SUPT3H: variants seen among roughly 807,000 people sequenced by gnomAD.
SUPT3H encodes SPT3 homolog, SAGA and STAGA complex component.
Under a neutral mutation model 44.3 loss-of-function variants are expected in SUPT3H, and 44 were observed. The ratio of observed to expected loss-of-function variants is 0.99; its 90% CI spans 0.78 to 1.28. The LOEUF is 1.28. Among genes scored for constraint, SUPT3H ranks in the 50% most tolerant of loss-of-function variants. The pLI is 0.00. For synonymous variants in SUPT3H, 124 were observed against 125.6 expected (o/e 0.99, Z 0.09); for missense variants, 380 against 387.1 (o/e 0.98, Z 0.15).
chr6:45,162,343 G>C (rs1809138924), intron 2 of SUPT3H, among the ~76,000 whole-genome samples: 1 of 152,006 alleles, frequency 6.6e-6, no homozygotes, highest in Non-Finnish European at 1.5e-5. Context: ...GGGCAACATA[G>C]CAAGATCCCT....
chr6:44,852,891 C>G (rs1773116017), intron 10 of SUPT3H, among the ~76,000 whole-genome samples: 1 of 152,184 alleles, frequency 6.6e-6, no homozygotes, highest in Non-Finnish European at 1.5e-5. Flanking sequence ...GCTAACTATG[C>G]AGCAATTTGT....
chr6:44,972,895 A>G (rs1777792860), intron 6 of SUPT3H, among the ~76,000 whole-genome samples: 1 of 152,162 alleles, frequency 6.6e-6, no homozygotes, highest in African/African-American at 2.4e-5. Context: ...GGCCTGACTC[A>G]TGAAACCATT....
rs1584615171 is a variant in SUPT3H at position 45,272,940 on chromosome 6, G to C, written c.101+92261C>G. On this transcript the variant is annotated intron_variant, in intron 2 of 10. Transcript: ENST00000371459. Reference sequence around the variant, plus strand: ...CCACTTTTACCTCTTGGTAGCCATGGTTTTTATTGTTCTTTGTCTTTAGGA... The same window carrying C: ...CCACTTTTACCTCTTGGTAGCCATGCTTTTTATTGTTCTTTGTCTTTAGGA... Among the ~76,000 whole-genome samples, 4 of 152,160 alleles carry C rather than the reference G, an allele frequency of 2.6e-5. No homozygotes were observed. In the South Asian group the frequency reaches 8.3e-4, roughly 31 times the overall value.
chr6:45,265,447 T>A (rs987356825), intron 2 of SUPT3H, among the ~76,000 whole-genome samples: 4 of 152,140 alleles, frequency 2.6e-5, no homozygotes, highest in African/African-American at 9.6e-5. Context: ...ATGAGTCTAG[T>A]CCGGCTAGGT....
chr6:45,173,005 A>G (rs1811081227), intron 2 of SUPT3H, among the ~76,000 whole-genome samples: 2 of 152,224 alleles, frequency 1.3e-5, no homozygotes, highest in Admixed American at 1.3e-4. Flanking sequence ...CTCAGCTTCC[A>G]TATGTGATGA....
chr6:45,020,719 C>T (rs561381487), intron 3 of SUPT3H, 87 bp from the exon 4 acceptor site: 11 of 869,934 alleles, frequency 1.3e-5, no homozygotes, highest in East Asian at 2.7e-5. Flanking sequence ...GATAAATATA[C>T]TAAGAGTTAA....
chr6:45,109,606 T>C (rs1799758659), intron 2 of SUPT3H, among the ~76,000 whole-genome samples: 1 of 152,168 alleles, frequency 6.6e-6, no homozygotes, highest in Non-Finnish European at 1.5e-5. Flanking sequence ...TATTTTAATT[T>C]TCAGGGTTAT....
intron 3 of SUPT3H, among the ~76,000 whole-genome samples, chr6:45,073,313 A>AT (rs1429823974): frequency 2.0e-5 from 3 of 152,038 alleles, no homozygotes; most frequent in Non-Finnish European, 2.9e-5. Flanking sequence ...GTATCTACAT[A>AT]TACCTTGTTA....
intron 2 of SUPT3H, among the ~76,000 whole-genome samples, chr6:45,314,693 T>C (rs1044726423): frequency 2.0e-5 from 3 of 152,122 alleles, no homozygotes; most frequent in African/African-American, 7.2e-5. Context: ...AGAATCAGTA[T>C]TGTGAAAATC....
intron 2 of SUPT3H, among the ~76,000 whole-genome samples, chr6:45,138,734 C>A (rs1415828280): frequency 6.6e-6 from 1 of 151,922 alleles, no homozygotes; most frequent in African/African-American, 2.4e-5. Context: ...CAAATAGGAT[C>A]AAAAGAATTT....
chr6:44,990,098 A>G lies in SUPT3H; in HGVS notation c.504+13555T>C, dbSNP rs77889946. Among the ~76,000 whole-genome samples the G allele has an allele frequency of 3.9e-3, 595 of 152,172 alleles. 7 individuals are homozygous for G. The highest frequency in any genetic ancestry group is 0.014 in the African/African-American group (566 of 41,536). On this transcript the variant is annotated intron_variant, in intron 6 of 10. Coordinates refer to ENST00000371459, the MANE Select transcript of SUPT3H (RefSeq NM_003599.4). ...GGCCAACGTCAAGGAGCTTTGCCCTATGTTTTCTCCTAGGAGTTTTACACT... is the reference window on the plus strand; with the variant it reads ...GGCCAACGTCAAGGAGCTTTGCCCTGTGTTTTCTCCTAGGAGTTTTACACT...
chr6:45,125,949 G>A (rs555109894), intron 2 of SUPT3H, among the ~76,000 whole-genome samples: 1 of 151,080 alleles, frequency 6.6e-6, no homozygotes, highest in East Asian at 1.9e-4. Context: ...TTTTTTTTCA[G>A]AAGTTTTGAA....
At chr6:45,023,261 T>C (rs1248136701) in intron 3 of SUPT3H, among the ~76,000 whole-genome samples, 13 of 143,010 alleles carry the variant, frequency 9.1e-5, no homozygotes, top group Non-Finnish European at 3.1e-5. Flanking sequence ...TATTAAAAAG[T>C]CAAAAAAAAA....
chr6:45,232,339 C>T (rs1768213804), intron 2 of SUPT3H, among the ~76,000 whole-genome samples: 1 of 152,166 alleles, frequency 6.6e-6, no homozygotes, highest in African/African-American at 2.4e-5. Flanking sequence ...GGTATCTGTG[C>T]TTTCCCTGGT....
chr6:45,001,468 G>A (rs1309960246), intron 6 of SUPT3H, among the ~76,000 whole-genome samples: 3 of 151,954 alleles, frequency 2.0e-5, no homozygotes, highest in Non-Finnish European at 2.9e-5. Flanking sequence ...TATATTTCAA[G>A]TCACATAAAC....
rs1007995463 is a variant in SUPT3H at position 45,147,592 on chromosome 6, G to T, written c.102-41586C>A. 3.9e-5 allele frequency among the ~76,000 whole-genome samples: 6 copies of T among 151,982 alleles called. 1 individual carries two copies. Among genetic ancestry groups the T allele is most frequent in the African/African-American group, 1.4e-4 (6 of 41,408 alleles). ...ATAAGGGACCTGACCAGACAAATAT[G>T]ATCCAGACATTTCCAACAGCACAGA... On this transcript the variant is annotated intron_variant, in intron 2 of 10. Coordinates refer to ENST00000371459, the MANE Select transcript of SUPT3H (RefSeq NM_003599.4).
chr6:44,940,407 T>C (rs1435944793), intron 9 of SUPT3H, among the ~76,000 whole-genome samples: 1 of 152,082 alleles, frequency 6.6e-6, no homozygotes. Flanking sequence ...TCTGAGAAGA[T>C]ACTTGATTTT....
intron 6 of SUPT3H, among the ~76,000 whole-genome samples, chr6:44,998,382 G>C (rs1781546349): frequency 6.6e-6 from 1 of 151,860 alleles, no homozygotes; most frequent in Non-Finnish European, 1.5e-5. Flanking sequence ...CATTCATCAA[G>C]ATTTATAAAT....
chr6:45,260,259 G>A (rs1296622857), intron 2 of SUPT3H, among the ~76,000 whole-genome samples: 1 of 152,062 alleles, frequency 6.6e-6, no homozygotes, highest in African/African-American at 2.4e-5. Flanking sequence ...GTTTTTCAGA[G>A]GCCAAGTCAA....
Sources: allele counts gnomAD v4.1 joint callset (sites outside exome capture counted in the v4.1 genomes callset), GRCh38; gene constraint gnomAD v4.1.1; transcripts MANE v1.5; gene names NCBI Gene and HGNC (gene_info 2026-07-23, HGNC 2026-07-21).